Variants in PIP5K1B observed in about 807,000 individuals in gnomAD.
PIP5K1B encodes the protein phosphatidylinositol-4-phosphate 5-kinase type 1 beta.
A neutral mutation model predicts 67.0 loss-of-function variants in PIP5K1B; 42 were observed. The ratio of observed to expected loss-of-function variants is 0.63; its 90% confidence interval spans 0.49 to 0.81. The LOEUF is 0.81. Among genes scored for constraint, PIP5K1B ranks in the 30% least tolerant of loss-of-function variants. PIP5K1B has a pLI of 0.00. For synonymous variants in PIP5K1B, 214 were observed against 231.4 expected (o/e 0.92, Z 0.68); for missense variants, 459 against 646.3 (o/e 0.71, Z 3.14).
chr9:68,846,272 G>A (rs1822186658), intron 4 of PIP5K1B, among the ~76,000 whole-genome samples: 2 of 152,054 alleles, frequency 1.3e-5, no homozygotes, highest in South Asian at 4.2e-4. Flanking sequence ...AATTCTCTTG[G>A]CATTGTTCTT....
intron 1 of PIP5K1B, among the ~76,000 whole-genome samples, chr9:68,740,378 A>G (rs1328608956): frequency 6.6e-6 from 1 of 152,256 alleles, no homozygotes; most frequent in Non-Finnish European, 1.5e-5. Flanking sequence ...TAGTTCTAAT[A>G]CAGTATGATA....
chr9:68,754,743 G>A (rs1829837461), intron 2 of PIP5K1B, among the ~76,000 whole-genome samples: 2 of 151,866 alleles, frequency 1.3e-5, no homozygotes, highest in Admixed American at 1.3e-4. Flanking sequence ...TTACTGCTTT[G>A]GCTAATACTT....
chr9:68,749,494 T>G (rs1829509456), intron 2 of PIP5K1B, among the ~76,000 whole-genome samples: 1 of 152,114 alleles, frequency 6.6e-6, no homozygotes, highest in African/African-American at 2.4e-5. Flanking sequence ...GAGAATAAAT[T>G]TTCGTAGTTT....
intron 14 of PIP5K1B, among the ~76,000 whole-genome samples, chr9:68,980,545 ATAC>A (rs1166816606): frequency 6.6e-6 from 1 of 152,150 alleles, no homozygotes; most frequent in East Asian, 1.9e-4. Context: ...AGTCCTGTTG[ATAC>A]TCCTGTTTGC....
At chr9:69,004,380 C>G (rs1368613029) in intron 15 of PIP5K1B, among the ~76,000 whole-genome samples, 2 of 148,748 alleles carry the variant, frequency 1.3e-5, no homozygotes, top group Non-Finnish European at 3.0e-5. Flanking sequence ...TACAGAGGTT[C>G]ACCTGGGGAC....
At chr9:68,997,025 G>A (rs1830626949) in intron 15 of PIP5K1B, among the ~76,000 whole-genome samples, 1 of 152,190 alleles carries the variant, frequency 6.6e-6, no homozygotes, top group Non-Finnish European at 1.5e-5. Flanking sequence ...CAGTTAAGCT[G>A]TTTTTTAGCC....
chr9:68,729,166 G>C (rs1828294248), intron 1 of PIP5K1B, among the ~76,000 whole-genome samples: 1 of 149,686 alleles, frequency 6.7e-6, no homozygotes, highest in South Asian at 2.1e-4. Flanking sequence ...GTATATGGGG[G>C]TTGCATAGGG....
At chr9:68,915,866 C>G (rs557842367) in intron 8 of PIP5K1B, among the ~76,000 whole-genome samples, 4 of 152,190 alleles carry the variant, frequency 2.6e-5, no homozygotes, top group Admixed American at 6.5e-5. Context: ...GGCAAAGATG[C>G]CTGTAATACA....
intron 4 of PIP5K1B, among the ~76,000 whole-genome samples, chr9:68,850,110 A>G (rs1040886369): frequency 5.9e-5 from 9 of 152,314 alleles, no homozygotes; most frequent in Admixed American, 2.0e-4. Flanking sequence ...CTAGGTTTCT[A>G]TCTTGTTTTT....
chr9:68,748,045 T>C (rs1261560286), intron 2 of PIP5K1B, among the ~76,000 whole-genome samples: 1 of 152,166 alleles, frequency 6.6e-6, no homozygotes, highest in African/African-American at 2.4e-5. Context: ...CACTCCCCAT[T>C]CCCTACTCCC....
chr9:68,844,638 A>C lies in PIP5K1B; in HGVS notation c.70-19199A>C, dbSNP rs1290687914. ...GGGAGATCTAATGGGGGAGAGCCAA[A>C]GGTGTTTGTTGGTAGCTCTGACACC... is the stretch of plus-strand genomic sequence containing the variant. On this transcript the variant is annotated intron_variant, in intron 4 of 15. Transcript: ENST00000265382. Among the ~76,000 whole-genome samples the C allele has an allele frequency of 2.0e-5, 3 of 152,164 alleles. No individual in the cohort carries two copies. In the East Asian group the frequency reaches 5.8e-4, roughly 29 times the overall value.
At chr9:68,818,388 C>G (rs1229905918) in intron 2 of PIP5K1B, 73 bp from the exon 3 acceptor site, 1 of 152,236 alleles carries the variant, frequency 6.6e-6, no homozygotes, top group Non-Finnish European at 1.5e-5. Context: ...ATCCCTATAG[C>G]TACCTCTGAT....
chr9:68,983,140 T>C (rs1829957050), intron 14 of PIP5K1B, among the ~76,000 whole-genome samples: 1 of 152,224 alleles, frequency 6.6e-6, no homozygotes, highest in South Asian at 2.1e-4. Context: ...AAAGTAAATG[T>C]GAGACTATAG....
chr9:68,768,404 G>GTAGC (rs1830533582), intron 2 of PIP5K1B, among the ~76,000 whole-genome samples: 1 of 152,198 alleles, frequency 6.6e-6, no homozygotes, highest in Non-Finnish European at 1.5e-5. Context: ...CAGAGACCAT[G>GTAGC]TAGCCAGAGA....
chr9:68,764,023 C>T (rs1189656868), intron 2 of PIP5K1B, among the ~76,000 whole-genome samples: 1 of 151,372 alleles, frequency 6.6e-6, no homozygotes. Flanking sequence ...ATCTTCTCCT[C>T]CCTCTCCTTT....
chr9:68,869,984 A>G (rs1490031576), intron 5 of PIP5K1B, among the ~76,000 whole-genome samples: 2 of 152,178 alleles, frequency 1.3e-5, no homozygotes, highest in East Asian at 3.8e-4. Flanking sequence ...CCATAATATG[A>G]TGCTCCTTCA....
intron 2 of PIP5K1B, among the ~76,000 whole-genome samples, chr9:68,779,600 C>T (rs1831108052): frequency 6.6e-6 from 1 of 152,192 alleles, no homozygotes; most frequent in African/African-American, 2.4e-5. Flanking sequence ...CAGGCCAGCC[C>T]TCACTCTCCA....
chr9:68,948,079 AAC>A (rs1307824809), intron 14 of PIP5K1B, among the ~76,000 whole-genome samples: 2 of 152,336 alleles, frequency 1.3e-5, no homozygotes, highest in East Asian at 3.9e-4. Context: ...GTCTGGAGCA[AAC>A]ACAGAATGAG....
chr9:68,994,002 A>C (rs1181838107), intron 15 of PIP5K1B, among the ~76,000 whole-genome samples: 1 of 140,562 alleles, frequency 7.1e-6, no homozygotes, highest in African/African-American at 2.6e-5. Flanking sequence ...TATTGAGAAT[A>C]TTTTTTGTAA....
Sources: allele counts gnomAD v4.1 joint callset (sites outside exome capture counted in the v4.1 genomes callset), GRCh38; gene constraint gnomAD v4.1.1; transcripts MANE v1.5; gene names NCBI Gene and HGNC (gene_info 2026-07-23, HGNC 2026-07-21).